UMAD1: variants seen among roughly 807,000 people sequenced by gnomAD.
UMAD1 encodes the protein UBAP1-MVB12-associated (UMA)-domain containing protein 1.
Under a neutral mutation model 6.1 loss-of-function variants are expected in UMAD1, and 8 were observed. The observed-to-expected ratio is 1.30, with a 90% CI of 0.76 to 2.35. UMAD1 has a LOEUF of 2.35. UMAD1 is among the 30% of genes most tolerant of loss of function. The pLI is 0.00. For missense variants in UMAD1, 130 were observed against 78.4 expected (o/e 1.66, Z -2.49); for synonymous variants, 56 against 31.4 (o/e 1.78, Z -2.61).
At chr7:7,848,635 A>G (rs1783855774) in intron 3 of UMAD1, among the ~76,000 whole-genome samples, 1 of 152,144 alleles carries the variant, frequency 6.6e-6, no homozygotes, top group Non-Finnish European at 1.5e-5. Flanking sequence ...AAGGAAGGGA[A>G]AGGGAGAGAT....
intron 3 of UMAD1, among the ~76,000 whole-genome samples, chr7:7,839,422 C>T (rs570649380): frequency 1.3e-5 from 2 of 152,286 alleles, no homozygotes; most frequent in South Asian, 2.1e-4. Flanking sequence ...CCTATGTTGC[C>T]CAGACGGATC....
At chr7:7,834,016 C>CTTTTTTTTTTTTTTTTTTT (rs4034895) in intron 3 of UMAD1, among the ~76,000 whole-genome samples, 8 of 110,480 alleles carry the variant, frequency 7.2e-5, no homozygotes, top group Non-Finnish European at 1.1e-4. Context: ...TTTTTCTTTT[C>CTTTTTTTTTTTTTTTTTTT]TTTTTTTTTT....
intron 2 of UMAD1, among the ~76,000 whole-genome samples, chr7:7,784,850 C>CT (rs1427392595): frequency 8.7e-5 from 13 of 149,118 alleles, no homozygotes; most frequent in African/African-American, 3.2e-4. Flanking sequence ...CAGGCTCCGC[C>CT]CCCTGGGGTT....
At chr7:7,714,980 A>G (rs1780860921) in intron 2 of UMAD1, among the ~76,000 whole-genome samples, 1 of 152,026 alleles carries the variant, frequency 6.6e-6, no homozygotes, top group Non-Finnish European at 1.5e-5. Flanking sequence ...ACTACAGAGG[A>G]ATTACAGTTG....
chr7:7,841,314 C>CTTTTTTT (rs35468754), intron 3 of UMAD1, among the ~76,000 whole-genome samples: 1 of 136,798 alleles, frequency 7.3e-6, no homozygotes, highest in Admixed American at 7.4e-5. Context: ...AACAAGTGAT[C>CTTTTTTT]TTTTTTTTTT....
intron 3 of UMAD1, among the ~76,000 whole-genome samples, chr7:7,841,314 CTTTTTT>C (rs35468754): frequency 7.3e-6 from 1 of 136,792 alleles, no homozygotes; most frequent in African/African-American, 2.7e-5. Context: ...AACAAGTGAT[CTTTTTT>C]TTTTTTTTTT....
intron 1 of UMAD1, among the ~76,000 whole-genome samples, chr7:7,655,742 A>T (rs1032671113): frequency 5.3e-5 from 8 of 152,216 alleles, no homozygotes; most frequent in African/African-American, 1.9e-4. Context: ...GTTAAATTAG[A>T]GGACAGGCTC....
chr7:7,765,202 A>G (rs542926141), intron 2 of UMAD1, among the ~76,000 whole-genome samples: 55 of 152,128 alleles, frequency 3.6e-4, no homozygotes, highest in Admixed American at 1.0e-3. Flanking sequence ...CTTGCCTCTC[A>G]TCAGTTTACT....
At chr7:7,738,716 A>T (rs531667227) in intron 2 of UMAD1, 1 of 152,356 alleles carries the variant, frequency 6.6e-6, no homozygotes, top group East Asian at 1.9e-4. Flanking sequence ...TGTAGGACAG[A>T]GTTGCCAGCT....
At chr7:7,760,433 T>G (rs867325980) in intron 2 of UMAD1, among the ~76,000 whole-genome samples, 11 of 148,346 alleles carry the variant, frequency 7.4e-5, no homozygotes, top group Middle Eastern at 3.6e-3. Context: ...ATAATAATAA[T>G]AATAATAATA....
At chr7:7,658,294 C>T (rs368180291) in intron 1 of UMAD1, among the ~76,000 whole-genome samples, 8 of 152,216 alleles carry the variant, frequency 5.3e-5, no homozygotes, top group African/African-American at 1.7e-4. Context: ...TATTCGAATA[C>T]CCCTTATTTC....
intron 2 of UMAD1, among the ~76,000 whole-genome samples, chr7:7,729,797 A>C (rs1384767561): frequency 6.6e-6 from 1 of 152,186 alleles, no homozygotes; most frequent in Non-Finnish European, 1.5e-5. Context: ...CAGATTATAT[A>C]ATCACACAGA....
At chr7:7,742,528 G>C (rs1464893404) in intron 2 of UMAD1, 2 of 522,554 alleles carry the variant, frequency 3.8e-6, no homozygotes, top group African/African-American at 3.9e-5. Context: ...AGCTGTAGGA[G>C]GGGCAGGAGC....
intron 3 of UMAD1, among the ~76,000 whole-genome samples, chr7:7,858,930 T>C (rs181458222): frequency 7.7e-4 from 118 of 152,268 alleles, no homozygotes; most frequent in African/African-American, 2.6e-3. Context: ...CACCTTGCTG[T>C]TTATGGGAGT....
chr7:7,661,000 C>T (rs939912255), intron 1 of UMAD1, among the ~76,000 whole-genome samples: 1 of 55,628 alleles, frequency 1.8e-5, no homozygotes, highest in South Asian at 6.0e-4. Flanking sequence ...TTGTTCATTC[C>T]TTTTGATTGT....
At position 7,737,839 on chromosome 7, in the gene UMAD1, G is replaced by C. The variant is rs144562670; in HGVS notation, c.83-63831G>C. 1.6e-4 allele frequency among the ~76,000 whole-genome samples: 24 copies of C among 152,286 alleles called. No individual in the cohort carries two copies. In the East Asian group the frequency reaches 1.9e-3, roughly 12 times the overall value. On this transcript the variant is annotated intron_variant, in intron 2 of 3. Coordinates refer to ENST00000682710, the MANE Select transcript of UMAD1 (RefSeq NM_001302348.2). ...TGGGCAGACAGCATAATCTATGGTA[G>C]TTAAACTTTTATTAGATTGTTGTGA...
intron 2 of UMAD1, among the ~76,000 whole-genome samples, chr7:7,716,989 C>T (rs1187171309): frequency 6.6e-6 from 1 of 152,088 alleles, no homozygotes; most frequent in Middle Eastern, 3.2e-3. Context: ...CCCGGAAACC[C>T]GTTCGGGACC....
At chr7:7,648,903 A>G (rs2115548094) in intron 1 of UMAD1, among the ~76,000 whole-genome samples, 1 of 152,108 alleles carries the variant, frequency 6.6e-6, no homozygotes, top group Non-Finnish European at 1.5e-5. Context: ...TCACACTTGT[A>G]ATCCCAGCAC....
chr7:7,839,813 G>A (rs1244792250), intron 3 of UMAD1, among the ~76,000 whole-genome samples: 1 of 152,100 alleles, frequency 6.6e-6, no homozygotes, highest in Non-Finnish European at 1.5e-5. Context: ...TTTGTTTGTG[G>A]GAAGATGAAG....
Sources: gnomAD v4.1 joint callset for allele counts (sites outside exome capture counted in the v4.1 genomes callset) on GRCh38, gnomAD v4.1.1 for gene constraint, MANE v1.5 for transcripts, NCBI Gene and HGNC (gene_info 2026-07-23, HGNC 2026-07-21) for gene names.